CABIN1: variants seen among roughly 807,000 people sequenced by gnomAD.
The protein encoded by CABIN1 is calcineurin-binding protein cabin-1.
Under a neutral mutation model 227.7 loss-of-function variants are expected in CABIN1, and 133 were observed. The observed-to-expected ratio is 0.58, with a 90% confidence interval of 0.51 to 0.67. CABIN1 has a LOEUF of 0.67. Among genes scored for constraint, CABIN1 ranks in the 30% least tolerant of loss-of-function variants. The pLI is 0.00. For synonymous variants in CABIN1, 1,086 were observed against 1,155.1 expected (o/e 0.94, Z 1.21); for missense variants, 2,408 against 2,852.5 (o/e 0.84, Z 3.55).
intron 1 of CABIN1, among the ~76,000 whole-genome samples, chr22:24,032,615 G>C (rs908927003): frequency 6.6e-6 from 1 of 152,212 alleles, no homozygotes; most frequent in African/African-American, 2.4e-5. Flanking sequence ...AATGTACAAA[G>C]ACTCCAGTTT....
At chr22:24,140,997 G>A (rs557898806) in intron 29 of CABIN1, among the ~76,000 whole-genome samples, 1 of 152,366 alleles carries the variant, frequency 6.6e-6, no homozygotes, top group Admixed American at 6.5e-5. Flanking sequence ...CGTAAGCAGA[G>A]TGGTCCCGAC....
rs1249255755 is a variant in CABIN1, at chr22:24,177,017, C to G, written c.6206-487C>G. On this transcript the variant is annotated intron_variant, in intron 35 of 36. Transcript: ENST00000263119. This position sits in a 1 kb window ranked among gnomAD's most constrained non-coding sequence, Gnocchi z 4.4. Reference sequence around the variant, plus strand: ...GCCTGCAACTGGCCCAGCCTTCAGGCTCTGGGCAAACTCAGCCCCTTGCTC... The same window carrying G: ...GCCTGCAACTGGCCCAGCCTTCAGGGTCTGGGCAAACTCAGCCCCTTGCTC... 6.6e-6 allele frequency among the ~76,000 whole-genome samples: 1 copy of G among 152,258 alleles called. No individual in the cohort carries two copies. Among genetic ancestry groups the G allele is most frequent in the East Asian group, 1.9e-4 (1 of 5,194 alleles).
chr22:24,035,345 A>G (rs2036787521), intron 1 of CABIN1, 99 bp from the exon 2 acceptor site: 2 of 798,728 alleles, frequency 2.5e-6, no homozygotes, highest in East Asian at 2.5e-5. Context: ...GCCTGTCTGC[A>G]TAGAGCTCAG....
At chr22:24,128,306 G>A (rs1293290263) in intron 28 of CABIN1, among the ~76,000 whole-genome samples, 4 of 136,962 alleles carry the variant, frequency 2.9e-5, no homozygotes, top group Non-Finnish European at 6.3e-5. Context: ...CGGGGCGGGG[G>A]GAGGGTGGGC....
intron 2 of CABIN1, among the ~76,000 whole-genome samples, chr22:24,035,886 C>A (rs530684150): frequency 2.6e-4 from 36 of 140,460 alleles, no homozygotes; most frequent in Non-Finnish European, 5.0e-4. Flanking sequence ...ACCCTCCCCC[C>A]TCGGCCCCCC....
intron 1 of CABIN1, among the ~76,000 whole-genome samples, chr22:24,014,859 G>A (rs1320698986): frequency 6.6e-6 from 1 of 152,042 alleles, no homozygotes; most frequent in Non-Finnish European, 1.5e-5. Flanking sequence ...GGATTATCTC[G>A]TGTTTCTTTC....
intron 6 of CABIN1, among the ~76,000 whole-genome samples, chr22:24,046,923 A>G (rs947512436): frequency 6.6e-6 from 1 of 152,180 alleles, no homozygotes; most frequent in Non-Finnish European, 1.5e-5. Flanking sequence ...GTCCCAGTTC[A>G]AAGGTAGTCA....
At chr22:24,056,682 G>T (rs1228221839) in intron 10 of CABIN1, among the ~76,000 whole-genome samples, 1 of 152,184 alleles carries the variant, frequency 6.6e-6, no homozygotes, top group Non-Finnish European at 1.5e-5. Flanking sequence ...TGTGCCTTGG[G>T]TGCAGATGCC....
At position 24,164,483 on chromosome 22, in the gene CABIN1, C is replaced by G. The variant is rs1007173322; in HGVS notation, c.4830C>G (p.Leu1610=). Residue 1610 remains leucine (L), a synonymous_variant, in exon 30 of 37, where the codon CTC becomes CTG. Coordinates refer to ENST00000263119, the MANE Select transcript of CABIN1 (RefSeq NM_012295.4). ...WHMNRSIVLL[L]KVLAQLRDHS... Reference sequence around the variant, plus strand: ...TGAACCGCTCCATCGTGCTGCTGCTCAAGGTGCTGGCCCAGCTGCGGGACC... The same window carrying G: ...TGAACCGCTCCATCGTGCTGCTGCTGAAGGTGCTGGCCCAGCTGCGGGACC... 3.7e-6 allele frequency: 6 copies of G among 1,606,382 alleles called. No homozygotes were observed. Among genetic ancestry groups the G allele is most frequent in the Non-Finnish European group, 5.1e-6 (6 of 1,179,976 alleles).
chr22:24,041,043 C>A, intron 4 of CABIN1, 96 bp from the exon 5 acceptor site: 2 of 1,464,532 alleles, frequency 1.4e-6, no homozygotes, highest in Non-Finnish European at 1.9e-6. Flanking sequence ...GGCTCAAGGG[C>A]CTGCAGCAGA....
At chr22:24,129,200 C>T (rs1444460612) in intron 28 of CABIN1, among the ~76,000 whole-genome samples, 8 of 152,210 alleles carry the variant, frequency 5.3e-5, no homozygotes, top group African/African-American at 1.9e-4. Context: ...ATGCAGGGCC[C>T]ATGGAAGGCT....
At chr22:24,012,818 T>A (rs1360976987) in intron 1 of CABIN1, among the ~76,000 whole-genome samples, 1 of 152,148 alleles carries the variant, frequency 6.6e-6, no homozygotes, top group Non-Finnish European at 1.5e-5. Context: ...TGGAGTGCAG[T>A]GGCATGATCT....
rs1014508696 is a variant in CABIN1, at chr22:24,062,865, G to A, written c.1697-94G>A. On this transcript the variant is annotated intron_variant, in intron 13 of 36. Coordinates refer to ENST00000263119, the MANE Select transcript of CABIN1 (RefSeq NM_012295.4). ...GGCTTAGGGTGCCCCTGGAGATAGG[G>A]TGGGTGTGGTTAGGGCCAAGTGCAA... The A allele has an allele frequency of 5.9e-6, 7 of 1,191,432 alleles. No individual in the cohort carries two copies. In the East Asian group the frequency reaches 1.2e-4, roughly 20 times the overall value. 73.8% of individuals were successfully genotyped at this position (1,191,432 alleles called of 1,614,324 possible).
chr22:24,126,883 C>T (rs554584657), intron 28 of CABIN1, among the ~76,000 whole-genome samples: 106 of 152,028 alleles, frequency 7.0e-4, no homozygotes, highest in Middle Eastern at 6.8e-3. Context: ...CCTGAAATCC[C>T]AGCTACTCAG....
chr22:24,156,007 C>G, intron 29 of CABIN1: 2 of 572,336 alleles, frequency 3.5e-6, no homozygotes, highest in Non-Finnish European at 6.2e-6. Context: ...AGAGAGCGAA[C>G]GAGCCTCCGC....
chr22:24,042,104 A>G (rs1311790936), intron 5 of CABIN1, among the ~76,000 whole-genome samples: 1 of 152,094 alleles, frequency 6.6e-6, no homozygotes, highest in Non-Finnish European at 1.5e-5. Context: ...GGCATGCACC[A>G]CCACCACACC....
intron 17 of CABIN1, 55 bp from the exon 18 acceptor site, chr22:24,072,299 C>T: frequency 8.1e-6 from 13 of 1,601,478 alleles, no homozygotes; most frequent in Non-Finnish European, 1.1e-5. Flanking sequence ...TTCAGTCTGC[C>T]CTGAAGGCTT....
At chr22:24,065,652 C>T (rs1279938490) in intron 15 of CABIN1, among the ~76,000 whole-genome samples, 3 of 152,190 alleles carry the variant, frequency 2.0e-5, no homozygotes, top group South Asian at 2.1e-4. Context: ...CCAAGGCAGG[C>T]GGCTGGGAGG....
chr22:24,070,679 G>T, intron 16 of CABIN1, 121 bp from the exon 17 acceptor site: 1 of 1,450,624 alleles, frequency 6.9e-7, no homozygotes, highest in Non-Finnish European at 9.7e-7. Flanking sequence ...TTGTGCTGGG[G>T]CTCGTTCTTC....
Sources: gnomAD v4.1 joint callset for allele counts (sites outside exome capture counted in the v4.1 genomes callset) on GRCh38, gnomAD v4.1.1 for gene constraint, Gnocchi (gnomAD v3.1) non-coding constraint, MANE v1.5 for transcripts, NCBI Gene and HGNC (gene_info 2026-07-23, HGNC 2026-07-21) for gene names.